The following EXT1 variants were observed in gnomAD, a reference collection of about 807,000 sequenced individuals.
EXT1 encodes the protein exostosin glycosyltransferase 1.
EXT1 carries 20 observed loss-of-function variants against 82.5 expected under a neutral mutation model. That is an observed-to-expected ratio of 0.24 (90% CI 0.17 to 0.35). EXT1 has a LOEUF of 0.35. EXT1 is among the 10% of genes least tolerant of loss of function. The pLI, the probability that EXT1 is intolerant of heterozygous loss-of-function variation, is 1.00. For synonymous variants in EXT1, 348 were observed against 350.8 expected, an observed-to-expected ratio of 0.99 and a Z score of 0.09; for missense variants, 757 against 936.5, an observed-to-expected ratio of 0.81 and a Z score of 2.50.
chr8:117,821,914 C>T (rs766748524), intron 5 of EXT1, among the ~76,000 whole-genome samples: 4 of 152,162 alleles, frequency 2.6e-5, no homozygotes, highest in African/African-American at 9.7e-5. Flanking sequence ...GACTGAAAAC[C>T]GCTTGAAAGC....
intron 1 of EXT1, among the ~76,000 whole-genome samples, chr8:117,974,852 G>A (rs1360591134): frequency 2.6e-5 from 4 of 152,130 alleles, no homozygotes. Context: ...CAAACCCAGA[G>A]TTAATTATCA....
chr8:117,851,581 C>G, intron 1 of EXT1, among the ~76,000 whole-genome samples: 1 of 148,554 alleles, frequency 6.7e-6, no homozygotes, highest in South Asian at 2.2e-4. Context: ...ATTAAGTGTG[C>G]TTAAATGATC....
chr8:117,997,959 G>A (rs1815582258), intron 1 of EXT1, among the ~76,000 whole-genome samples: 1 of 151,580 alleles, frequency 6.6e-6, no homozygotes, highest in Non-Finnish European at 1.5e-5. Context: ...TATCTTCTTT[G>A]AGAGAGGAAA....
At chr8:117,945,078 C>T (rs1018710833) in intron 1 of EXT1, among the ~76,000 whole-genome samples, 2 of 152,184 alleles carry the variant, frequency 1.3e-5, no homozygotes, top group South Asian at 2.1e-4. Context: ...AGGAGAACGG[C>T]GTGAACCCGG....
At chr8:117,879,648 G>T (rs1156346956) in intron 1 of EXT1, among the ~76,000 whole-genome samples, 2 of 152,060 alleles carry the variant, frequency 1.3e-5, no homozygotes, top group Admixed American at 1.3e-4. Context: ...AATTGCAATG[G>T]GCATCACTGG....
In EXT1 at chr8:117,798,390, C is replaced by T. The variant is rs1248013611; in HGVS notation, c.*1322G>A. ...TATCAGAAGTCTCCATTTTTCATAA[C>T]AGAGTTAGGGATATGTTTTTTTTTT... On this transcript the variant is annotated 3_prime_UTR_variant, in exon 11 of 11. Transcript: ENST00000378204. The T allele has an allele frequency of 6.6e-6, 1 of 151,936 alleles. No individual in the cohort carries two copies. The highest frequency in any genetic ancestry group is 1.5e-5 in the Non-Finnish European group (1 of 68,002). 9.4% of individuals were successfully genotyped at this position (151,936 alleles called of 1,614,324 possible).
At chr8:117,952,031 A>G (rs1323430389) in intron 1 of EXT1, among the ~76,000 whole-genome samples, 1 of 152,222 alleles carries the variant, frequency 6.6e-6, no homozygotes, top group Non-Finnish European at 1.5e-5. Flanking sequence ...CCTGGTTTAG[A>G]TGGTTTGGAC....
intron 1 of EXT1, among the ~76,000 whole-genome samples, chr8:117,874,978 C>T (rs1284353037): frequency 6.6e-6 from 1 of 152,154 alleles, no homozygotes; most frequent in Non-Finnish European, 1.5e-5. Context: ...TTTTAAACTG[C>T]AGCTTGAAGG....
chr8:117,978,025 C>T (rs1023942113), intron 1 of EXT1, among the ~76,000 whole-genome samples: 5 of 152,312 alleles, frequency 3.3e-5, no homozygotes, highest in African/African-American at 1.2e-4. Flanking sequence ...GTTGTCTTAA[C>T]TCAGGGTCTA....
intron 1 of EXT1, among the ~76,000 whole-genome samples, chr8:118,060,195 A>G (rs1402088401): frequency 6.6e-6 from 1 of 152,204 alleles, no homozygotes; most frequent in Non-Finnish European, 1.5e-5. Flanking sequence ...AAATAAAACA[A>G]ATCTTTCCTA....
chr8:118,046,103 CTT>C (rs112355911), intron 1 of EXT1, among the ~76,000 whole-genome samples: 2 of 143,834 alleles, frequency 1.4e-5, no homozygotes, highest in African/African-American at 2.6e-5. Context: ...GCCTAGATGT[CTT>C]TTTTTTTTTT....
chr8:117,858,810 C>CAAGGCAAGGCAGGAAGGAAGGAAGGA (rs1182184208), intron 1 of EXT1, among the ~76,000 whole-genome samples: 1 of 34,384 alleles, frequency 2.9e-5, no homozygotes, highest in Non-Finnish European at 5.3e-5. Flanking sequence ...CAAGGCAAGG[C>CAAGGCAAGGCAGGAAGGAAGGAAGGA]AGGAAGGAAG....
At chr8:117,992,720 C>T (rs1815460782) in intron 1 of EXT1, among the ~76,000 whole-genome samples, 1 of 152,160 alleles carries the variant, frequency 6.6e-6, no homozygotes, top group Admixed American at 6.5e-5. Flanking sequence ...GCCAGATAAC[C>T]ACTCAAAGGG....
chr8:117,860,642 G>A (rs1486705121), intron 1 of EXT1, among the ~76,000 whole-genome samples: 1 of 152,180 alleles, frequency 6.6e-6, no homozygotes, highest in Non-Finnish European at 1.5e-5. Context: ...ATTTGGTTTA[G>A]TCCCTGTTGA....
At chr8:117,827,273 T>C (rs4876759) in intron 4 of EXT1, among the ~76,000 whole-genome samples, 34,709 of 152,048 alleles carry the variant, frequency 0.23, 4,620 homozygotes, top group Middle Eastern at 0.37. Flanking sequence ...TTAAGATACA[T>C]GTAGAAAGTC....
At chr8:118,040,208 A>C (rs1301220166) in intron 1 of EXT1, among the ~76,000 whole-genome samples, 1 of 152,202 alleles carries the variant, frequency 6.6e-6, no homozygotes, top group Non-Finnish European at 1.5e-5. Context: ...ACCAGTCCGC[A>C]AACCACAGAT....
intron 1 of EXT1, among the ~76,000 whole-genome samples, chr8:117,925,010 A>C (rs1246766144): frequency 6.6e-6 from 1 of 152,210 alleles, no homozygotes; most frequent in Non-Finnish European, 1.5e-5. Context: ...TTTATTATAA[A>C]TTTAGTGACA....
chr8:117,925,637 G>A (rs918660356), intron 1 of EXT1, among the ~76,000 whole-genome samples: 6 of 138,412 alleles, frequency 4.3e-5, no homozygotes, highest in African/African-American at 1.7e-4. Flanking sequence ...GGGAAGCAAA[G>A]GTAGGGGGAT....
intron 1 of EXT1, among the ~76,000 whole-genome samples, chr8:117,979,386 A>C (rs1324112389): frequency 6.6e-6 from 1 of 151,466 alleles, no homozygotes; most frequent in Admixed American, 6.6e-5. Context: ...AAACAAAAAA[A>C]CAAAACAAAA....
Sources: allele counts gnomAD v4.1 joint callset (sites outside exome capture counted in the v4.1 genomes callset), GRCh38; gene constraint gnomAD v4.1.1; transcripts MANE v1.5; gene names NCBI Gene and HGNC (gene_info 2026-07-23, HGNC 2026-07-21).